Variants in ZNF722 observed in about 807,000 individuals in gnomAD.
The protein encoded by ZNF722 is zinc finger protein 479 pseudogene.
the ZNF722 span, among the ~76,000 whole-genome samples, chr7:64,010,651 C>T: frequency 6.6e-6 from 1 of 152,106 alleles, no homozygotes; most frequent in African/African-American, 2.4e-5. Flanking sequence ...CTGAGGAGTG[C>T]TTTACTTCCA....
chr7:64,010,189 G>T, the ZNF722 span, among the ~76,000 whole-genome samples: 1 of 151,934 alleles, frequency 6.6e-6, no homozygotes, highest in African/African-American at 2.4e-5. Context: ...TGTTCAAAAA[G>T]CCAGCTCCTG....
chr7:64,017,442 T>TA, the ZNF722 span, among the ~76,000 whole-genome samples: 1 of 152,098 alleles, frequency 6.6e-6, no homozygotes, highest in South Asian at 2.1e-4. Context: ...TTGGAAAATA[T>TA]AGGCCTTTAA....
the ZNF722 span, among the ~76,000 whole-genome samples, chr7:64,007,949 A>G: frequency 6.6e-6 from 1 of 152,126 alleles, no homozygotes; most frequent in African/African-American, 2.4e-5. Flanking sequence ...CTGGTGTGAG[A>G]TGGTATCTCA....
chr7:64,013,503 T>C, the ZNF722 span, among the ~76,000 whole-genome samples: 1 of 152,020 alleles, frequency 6.6e-6, no homozygotes. Context: ...GTTACAACAG[T>C]ACATTTTAAA....
chr7:64,015,202 A>G, the ZNF722 span: 1 of 1,288,252 alleles, frequency 7.8e-7, no homozygotes. Flanking sequence ...AATGAAGTTA[A>G]GCAATGTTTG....
the ZNF722 span, among the ~76,000 whole-genome samples, chr7:64,006,582 A>G: frequency 1.3e-5 from 2 of 152,170 alleles, no homozygotes; most frequent in African/African-American, 4.8e-5. Flanking sequence ...CTTATCAGGG[A>G]CTGCACAAAC....
At chr7:64,004,316 G>A in the ZNF722 span, among the ~76,000 whole-genome samples, 1 of 149,328 alleles carries the variant, frequency 6.7e-6, no homozygotes, top group Non-Finnish European at 1.5e-5. Flanking sequence ...GGATGAGGCA[G>A]GAGAATTGCT....
the ZNF722 span, chr7:64,005,545 C>A: frequency 1.4e-6 from 1 of 712,316 alleles, no homozygotes; most frequent in South Asian, 1.7e-5. Context: ...AAATACAAAT[C>A]TCTGCCTATG....
chr7:64,014,263 A>G, the ZNF722 span, among the ~76,000 whole-genome samples: 68 of 151,620 alleles, frequency 4.5e-4, no homozygotes, highest in African/African-American at 1.6e-3. Flanking sequence ...TTTATCTGAT[A>G]TCTGGTTTTC....
chr7:64,004,122 CG>C, the ZNF722 span, among the ~76,000 whole-genome samples: 5 of 151,642 alleles, frequency 3.3e-5, no homozygotes, highest in Admixed American at 3.3e-4. Flanking sequence ...AAATTTAGGC[CG>C]GGCGCAGTGT....
the ZNF722 span, chr7:64,015,320 C>G: frequency 1.5e-6 from 2 of 1,337,588 alleles, no homozygotes; most frequent in Non-Finnish European, 1.1e-6. Context: ...AGAAACATTT[C>G]AAATGTAAAA....
chr7:63,999,022 G>A, the ZNF722 span: 11 of 1,575,018 alleles, frequency 7.0e-6, no homozygotes, highest in South Asian at 1.1e-5. Flanking sequence ...GTCTGTCATC[G>A]TGAGAGGGGC....
At chr7:64,016,187 G>A in the ZNF722 span, 1 of 296,336 alleles carries the variant, frequency 3.4e-6, no homozygotes, top group Non-Finnish European at 6.3e-6. Context: ...CACCCAGGCT[G>A]CAGTGCAGTG....
At chr7:64,009,537 A>G in the ZNF722 span, among the ~76,000 whole-genome samples, 1 of 152,312 alleles carries the variant, frequency 6.6e-6, no homozygotes, top group African/African-American at 2.4e-5. Flanking sequence ...TATGCAATGC[A>G]TTACGTTTAT....
At chr7:64,001,443 C>A in the ZNF722 span, among the ~76,000 whole-genome samples, 5 of 152,200 alleles carry the variant, frequency 3.3e-5, no homozygotes, top group African/African-American at 1.2e-4. Context: ...CTTATAGCTG[C>A]ATCATATTTC....
chr7:64,017,287 G>A, the ZNF722 span, among the ~76,000 whole-genome samples: 1 of 152,174 alleles, frequency 6.6e-6, no homozygotes, highest in Non-Finnish European at 1.5e-5. Context: ...GGGAGGCTGA[G>A]GCAGGCGAAT....
the ZNF722 span, among the ~76,000 whole-genome samples, chr7:64,007,472 A>G: frequency 6.6e-6 from 1 of 152,024 alleles, no homozygotes; most frequent in Admixed American, 6.6e-5. Flanking sequence ...ATTCCCACCT[A>G]TGAGTGAGAA....
chr7:64,009,046 G>A, the ZNF722 span, among the ~76,000 whole-genome samples: 466 of 152,234 alleles, frequency 3.1e-3, 4 homozygotes, highest in African/African-American at 0.011. Flanking sequence ...CTCTCTGTTT[G>A]TCTGTTATTG....
the ZNF722 span, among the ~76,000 whole-genome samples, chr7:64,009,417 G>A: frequency 2.4e-3 from 362 of 152,112 alleles, 1 homozygote; most frequent in African/African-American, 7.9e-3. Context: ...GATACATTCT[G>A]TCAATACCTA....
Sources: gnomAD v4.1 joint callset for allele counts (sites outside exome capture counted in the v4.1 genomes callset) on GRCh38, gnomAD v4.1.1 for gene constraint, MANE v1.5 for transcripts, NCBI Gene and HGNC (gene_info 2026-07-23, HGNC 2026-07-21) for gene names.